ASXL3: variants seen among roughly 807,000 people sequenced by gnomAD.
ASXL3 encodes the protein putative Polycomb group protein ASXL3.
In ASXL3, 34 loss-of-function variants were observed where a neutral mutation model predicts 170.6. The observed-to-expected ratio is 0.20, with a 90% confidence interval of 0.15 to 0.27. The LOEUF is 0.27. Among genes scored for constraint, ASXL3 ranks in the 10% least tolerant of loss-of-function variants. The probability of loss-of-function intolerance (pLI) is 1.00; values close to 1 mark genes in which losing one functional copy is unlikely to be tolerated. For synonymous variants in ASXL3, 1,002 were observed against 989.1 expected (o/e 1.01, Z -0.24); for missense variants, 2,592 against 2,695.3 (o/e 0.96, Z 0.85).
At chr18:33,685,758 G>A (rs905515352) in intron 8 of ASXL3, among the ~76,000 whole-genome samples, 1 of 152,094 alleles carries the variant, frequency 6.6e-6, no homozygotes, top group African/African-American at 2.4e-5. Context: ...GGCAGGGGAG[G>A]GAGCAAGAGA....
At chr18:33,665,937 A>C (rs2066248973) in intron 5 of ASXL3, among the ~76,000 whole-genome samples, 1 of 152,152 alleles carries the variant, frequency 6.6e-6, no homozygotes, top group Admixed American at 6.6e-5. Flanking sequence ...TTCCTTTGAA[A>C]AGTGCATTTA....
At position 33,745,353 on chromosome 18, in the gene ASXL3, A is replaced by T. The variant is rs2067761102; in HGVS notation, c.5505A>T (p.Val1835=). Residue 1835 remains valine, a synonymous_variant, in exon 12 of 12, where the codon GTA becomes GTT. Transcript: ENST00000269197. ...NHPKKRVART[V]GEHTQVKCEP... Reference sequence around the variant, plus strand: ...CCAAAAAGAGAGTAGCTAGGACTGTAGGAGAACACACTCAAGTTAAATGTG... The same window carrying T: ...CCAAAAAGAGAGTAGCTAGGACTGTTGGAGAACACACTCAAGTTAAATGTG... 1 of 1,613,980 alleles carries T rather than the reference A, an allele frequency of 6.2e-7. No homozygotes were observed. The highest frequency in any genetic ancestry group is 1.7e-5 in the Admixed American group (1 of 60,030).
In ASXL3 at chr18:33,744,562, C is replaced by T; in HGVS notation, c.4714C>T (p.Pro1572Ser). 1 of 1,611,138 alleles carries T rather than the reference C, an allele frequency of 6.2e-7. No individual in the cohort carries two copies. The highest frequency in any genetic ancestry group is 8.5e-7 in the Non-Finnish European group (1 of 1,179,060). Residue 1572 changes from proline (P) to serine (S), a missense_variant, in exon 12 of 12, where the codon CCG becomes TCG. Physicochemically the swap from Pro to Ser is moderately conservative, Grantham distance 74. This residue lies in a region of ASXL3 where 2,246 missense variants were observed against 2,219.6 expected (regional missense o/e 1.01). Coordinates refer to ENST00000269197, the MANE Select transcript of ASXL3 (RefSeq NM_030632.3). Reference protein sequence around the residue: ...LPLVPDKLNEPTAPSHNFAEQ... With the variant: ...LPLVPDKLNESTAPSHNFAEQ... Reference sequence around the variant, plus strand: ...CCTTGTTCCAGATAAATTAAATGAGCCGACTGCTCCCAGTCATAACTTTGC... The same window carrying T: ...CCTTGTTCCAGATAAATTAAATGAGTCGACTGCTCCCAGTCATAACTTTGC...
intron 8 of ASXL3, among the ~76,000 whole-genome samples, chr18:33,696,096 A>G (rs2066769629): frequency 6.6e-6 from 1 of 152,124 alleles, no homozygotes; most frequent in South Asian, 2.1e-4. Context: ...ACCACTGACC[A>G]TTATGAACAG....
chr18:33,728,747 T>C (rs2067390912), intron 8 of ASXL3, among the ~76,000 whole-genome samples: 1 of 152,166 alleles, frequency 6.6e-6, no homozygotes, highest in African/African-American at 2.4e-5. Flanking sequence ...CTTTCTTTTG[T>C]TGCCTTTTAC....
At chr18:33,675,437 T>C (rs898850840) in intron 7 of ASXL3, among the ~76,000 whole-genome samples, 1 of 152,208 alleles carries the variant, frequency 6.6e-6, no homozygotes, top group Non-Finnish European at 1.5e-5. Context: ...CTCTAGGTAG[T>C]GGTAGGTATG....
intron 2 of ASXL3, among the ~76,000 whole-genome samples, chr18:33,623,373 A>T (rs780368386): frequency 6.6e-6 from 1 of 152,162 alleles, no homozygotes; most frequent in Non-Finnish European, 1.5e-5. Flanking sequence ...TTCAGATTGA[A>T]TGAGTGGAAA....
At chr18:33,713,248 GT>G (rs1226619353) in intron 8 of ASXL3, among the ~76,000 whole-genome samples, 376 of 65,054 alleles carry the variant, frequency 5.8e-3, no homozygotes, top group Non-Finnish European at 7.9e-3. Flanking sequence ...GTTTTGTTTT[GT>G]TTTTTTTTTT....
rs569657731 is a variant in ASXL3 at position 33,732,420 on chromosome 18, C to T, written c.976+356C>T. The stretch of plus-strand genomic sequence containing the variant: ...ACGCTCTCTTCCGCGGAAGTTACTG[C>T]TTCACCTTATCCTTCCTTTAATCAC... On this transcript the variant is annotated intron_variant, in intron 9 of 11. Transcript: ENST00000269197. Among the ~76,000 whole-genome samples the T allele has an allele frequency of 3.9e-5, 6 of 152,304 alleles. No homozygotes were observed. The South Asian group carries it at 1.2e-3, about 32-fold the overall frequency.
At chr18:33,619,417 T>C (rs1360632016) in intron 2 of ASXL3, among the ~76,000 whole-genome samples, 1 of 150,434 alleles carries the variant, frequency 6.6e-6, no homozygotes, top group Non-Finnish European at 1.5e-5. Flanking sequence ...TTTCAGTTTA[T>C]ACCCTAGTTG....
intron 8 of ASXL3, among the ~76,000 whole-genome samples, chr18:33,689,489 C>G (rs924544837): frequency 6.6e-6 from 1 of 152,200 alleles, no homozygotes; most frequent in Non-Finnish European, 1.5e-5. Flanking sequence ...GTTGTCATGT[C>G]TCTGTAGTCT....
chr18:33,578,570 G>A lies in ASXL3; in HGVS notation c.-62G>A, dbSNP rs2064965262. On this transcript the variant is annotated 5_prime_UTR_variant, in exon 1 of 12. Transcript: ENST00000269197. Reference sequence around the variant, plus strand: ...TCACTGGGTCATTGTCTCCGCGCCCGAACCCCGAGCACCCCGTGGAATCCC... The same window carrying A: ...TCACTGGGTCATTGTCTCCGCGCCCAAACCCCGAGCACCCCGTGGAATCCC... 2.7e-6 allele frequency: 3 copies of A among 1,104,970 alleles called. No homozygotes were observed. Among genetic ancestry groups the A allele is most frequent in the Admixed American group, 3.0e-5 (1 of 33,490 alleles). 68.4% of individuals were successfully genotyped at this position (1,104,970 alleles called of 1,614,324 possible). A position where few individuals can be genotyped will look rare whatever the true frequency, so the allele number is the denominator to read the frequency against.
At chr18:33,615,565 C>T (rs759109613) in intron 2 of ASXL3, among the ~76,000 whole-genome samples, 3 of 152,170 alleles carry the variant, frequency 2.0e-5, no homozygotes, top group Non-Finnish European at 4.4e-5. Context: ...TTGCTTGATG[C>T]AGGGTTGCCT....
intron 1 of ASXL3, among the ~76,000 whole-genome samples, chr18:33,590,707 T>C (rs1370344904): frequency 6.6e-6 from 1 of 152,132 alleles, no homozygotes; most frequent in Non-Finnish European, 1.5e-5. Flanking sequence ...CCTAAATATC[T>C]CTTTGGTCTG....
chr18:33,580,412 C>T (rs1408861807), intron 1 of ASXL3, among the ~76,000 whole-genome samples: 1 of 152,054 alleles, frequency 6.6e-6, no homozygotes, highest in East Asian at 1.9e-4. Flanking sequence ...ATTCAGGTTC[C>T]GTGGAGTGGC....
At chr18:33,671,919 C>T in intron 7 of ASXL3, 53 bp downstream of exon 7, 1 of 1,415,124 alleles carries the variant, frequency 7.1e-7, no homozygotes, top group Non-Finnish European at 9.4e-7. Context: ...TGTGTTTTCT[C>T]AAATAAATTA....
At position 33,683,484 on chromosome 18, in the gene ASXL3, A is replaced by G. The variant is rs779053746; in HGVS notation, c.795A>G (p.Ala265=). 11 of 1,613,570 alleles carry G rather than the reference A, an allele frequency of 6.8e-6. No homozygotes were observed. The South Asian group carries it at 7.7e-5, about 11-fold the overall frequency. ...GSILVNTNLR[A]LINKHTFASL... The stretch of plus-strand genomic sequence containing the variant: ...TTCTTGTCAACACTAACTTGAGGGC[A>G]TTAATAAATAAACATACGTTTGCTT... The change falls in exon 8 of 12, where the codon GCA becomes GCG. Residue 265 remains alanine (A), a synonymous_variant. Coordinates refer to ENST00000269197, the MANE Select transcript of ASXL3 (RefSeq NM_030632.3).
In ASXL3 at chr18:33,747,331, T is replaced by A. The variant is rs1043521718; in HGVS notation, c.*736T>A. 3 of 150,004 alleles carry A rather than the reference T, an allele frequency of 2.0e-5. No homozygotes were observed. In the Admixed American group the frequency reaches 2.0e-4, roughly 10 times the overall value. 9.3% of individuals were successfully genotyped at this position (150,004 alleles called of 1,614,324 possible). The stretch of plus-strand genomic sequence containing the variant: ...CTGGTTCTAGGCCTTTGACACCTGA[T>A]AATATGAGAGCAATTGGCCAGCCAA... On this transcript the variant is annotated 3_prime_UTR_variant, in exon 12 of 12. Transcript: ENST00000269197.
In ASXL3 at chr18:33,649,268, A is replaced by C. The variant is rs769861424; in HGVS notation, c.355+2915A>C. Among the ~76,000 whole-genome samples, 9 of 152,092 alleles carry C rather than the reference A, an allele frequency of 5.9e-5. 1 individual carries two copies. The highest frequency in any genetic ancestry group is 1.3e-4 in the Non-Finnish European group (9 of 68,002). ...AGCAAATGGAGAGATTGGTCTTAGCAAGAGATGTAGACAGGTGCTCTAAAG... is the reference window on the plus strand; with the variant it reads ...AGCAAATGGAGAGATTGGTCTTAGCCAGAGATGTAGACAGGTGCTCTAAAG... On this transcript the variant is annotated intron_variant, in intron 4 of 11. Transcript: ENST00000269197.
Sources: gnomAD v4.1 joint callset for allele counts (sites outside exome capture counted in the v4.1 genomes callset) on GRCh38, gnomAD v4.1.1 for gene constraint, gnomAD v4.1.1 regional missense constraint, MANE v1.5 for transcripts, NCBI Gene and HGNC (gene_info 2026-07-23, HGNC 2026-07-21) for gene names.